DPP10: variants seen among roughly 807,000 people sequenced by gnomAD.
DPP10 encodes inactive dipeptidyl peptidase 10.
Under a neutral mutation model 120.9 loss-of-function variants are expected in DPP10, and 33 were observed. The observed-to-expected ratio is 0.27, with a 90% CI of 0.21 to 0.37. DPP10 has a LOEUF of 0.37. Ranked by LOEUF, DPP10 falls within the 10% of genes least tolerant of loss-of-function variation. DPP10 has a pLI of 1.00. For missense variants in DPP10, 816 were observed against 942.8 expected (o/e 0.87, Z 1.76); for synonymous variants, 337 against 326.1 (o/e 1.03, Z -0.36).
intron 1 of DPP10, among the ~76,000 whole-genome samples, chr2:114,974,417 C>CA (rs764128148): frequency 2.3e-5 from 3 of 131,592 alleles, no homozygotes; most frequent in Non-Finnish European, 4.8e-5. Flanking sequence ...CCTTTTTATC[C>CA]TTTTTTTTTT....
intron 1 of DPP10, among the ~76,000 whole-genome samples, chr2:114,636,373 C>T (rs753132217): frequency 2.6e-5 from 4 of 151,962 alleles, no homozygotes; most frequent in Admixed American, 6.5e-5. Flanking sequence ...CTCCTGCCTG[C>T]AGGCGAGTGG....
chr2:115,590,801 C>G (rs1160078747), intron 5 of DPP10, among the ~76,000 whole-genome samples: 2 of 152,282 alleles, frequency 1.3e-5, no homozygotes, highest in Non-Finnish European at 1.5e-5. Context: ...AAAAGTGTTC[C>G]TATTTCTCCA....
At chr2:114,805,340 A>G (rs1240058421) in intron 1 of DPP10, among the ~76,000 whole-genome samples, 1 of 152,146 alleles carries the variant, frequency 6.6e-6, no homozygotes, top group Non-Finnish European at 1.5e-5. Context: ...GCATTCTACT[A>G]CCTTCTCCTT....
At chr2:114,864,900 G>GA (rs1276518988) in intron 1 of DPP10, among the ~76,000 whole-genome samples, 1 of 152,108 alleles carries the variant, frequency 6.6e-6, no homozygotes, top group Non-Finnish European at 1.5e-5. Flanking sequence ...TTCCTCTTGG[G>GA]AAACAACGGT....
At chr2:115,161,761 C>T (rs1559164237) in intron 1 of DPP10, 4 of 477,354 alleles carry the variant, frequency 8.4e-6, no homozygotes, top group Non-Finnish European at 1.4e-5. Context: ...CTGCGGTGGC[C>T]GAGGGAGGGA....
rs774889979 is a variant in DPP10 at position 115,689,940 on chromosome 2, A to T, written c.576+19A>T. On this transcript the variant is annotated intron_variant, in intron 7 of 25. Transcript: ENST00000410059. ...GCAGCTGGTAAGCGCAGGCATTGGT[A>T]TGCACTGAACACTGCCAATCATGGT... The T allele has an allele frequency of 1.2e-6, 2 of 1,611,730 alleles. No individual in the cohort carries two copies. The highest frequency in any genetic ancestry group is 2.7e-5 in the African/African-American group (2 of 74,860).
At chr2:114,633,455 A>T (rs1159619939) in intron 1 of DPP10, among the ~76,000 whole-genome samples, 11 of 150,978 alleles carry the variant, frequency 7.3e-5, no homozygotes, top group Non-Finnish European at 1.5e-5. Flanking sequence ...GGGTTTCTCC[A>T]TGTTGGCCAG....
At chr2:115,557,944 A>G (rs2149033440) in intron 5 of DPP10, among the ~76,000 whole-genome samples, 1 of 152,336 alleles carries the variant, frequency 6.6e-6, no homozygotes, top group African/African-American at 2.4e-5. Flanking sequence ...ATCTGGTACA[A>G]AACACATGGA....
chr2:115,807,445 T>A (rs1044912899), intron 19 of DPP10, among the ~76,000 whole-genome samples: 2 of 152,196 alleles, frequency 1.3e-5, no homozygotes, highest in Non-Finnish European at 2.9e-5. Flanking sequence ...TGTGTAACAA[T>A]AAGGCTTTCA....
intron 1 of DPP10, among the ~76,000 whole-genome samples, chr2:114,532,651 T>A (rs1185063571): frequency 6.6e-6 from 1 of 152,172 alleles, no homozygotes; most frequent in African/African-American, 2.4e-5. Flanking sequence ...ACAGTGTAAA[T>A]GTTTTCAAAT....
At chr2:114,566,335 A>T (rs987001807) in intron 1 of DPP10, among the ~76,000 whole-genome samples, 3 of 152,220 alleles carry the variant, frequency 2.0e-5, no homozygotes, top group African/African-American at 7.2e-5. Context: ...GCATTATCAC[A>T]GAAAAAGAAA....
chr2:115,730,925 T>C (rs566638545), intron 8 of DPP10, among the ~76,000 whole-genome samples: 24 of 152,180 alleles, frequency 1.6e-4, no homozygotes, highest in Non-Finnish European at 3.4e-4. Flanking sequence ...TCTAATCATT[T>C]ATGAAGAAAC....
rs147760639 is a variant in DPP10, at chr2:115,748,776, T to C, written c.950+2593T>C. ...AGACTGTAAAATACATTTTAATTAATTTATATGATTTAGAAAGAAATTAAA... is the reference window on the plus strand; with the variant it reads ...AGACTGTAAAATACATTTTAATTAACTTATATGATTTAGAAAGAAATTAAA... On this transcript the variant is annotated intron_variant, in intron 10 of 25. Coordinates refer to ENST00000410059, the MANE Select transcript of DPP10 (RefSeq NM_020868.6). Among the ~76,000 whole-genome samples, 199 of 152,276 alleles carry C rather than the reference T, an allele frequency of 1.3e-3. No individual in the cohort carries two copies. In the Middle Eastern group the frequency reaches 0.014, roughly 10 times the overall value.
chr2:114,952,195 A>C (rs1392620943), intron 1 of DPP10, among the ~76,000 whole-genome samples: 1 of 151,918 alleles, frequency 6.6e-6, no homozygotes. Flanking sequence ...GTGTATGATA[A>C]AGTTTCCATG....
rs141857025 is a variant in DPP10 at position 114,902,264 on chromosome 2, G to A, written c.61-406975G>A. On this transcript the variant is annotated intron_variant, in intron 1 of 25. Transcript: ENST00000410059. ...AGTTGTTGATTTATTTAAGTAATGT[G>A]ATCAATATCAAATTTCATTTTTTTC... 2.5e-3 allele frequency among the ~76,000 whole-genome samples: 387 copies of A among 152,214 alleles called. 3 individuals carry two copies. Among genetic ancestry groups the A allele is most frequent in the African/African-American group, 9.0e-3 (372 of 41,522 alleles).
At chr2:115,717,323 TG>T (rs1451451862) in intron 7 of DPP10, among the ~76,000 whole-genome samples, 6 of 152,168 alleles carry the variant, frequency 3.9e-5, no homozygotes, top group African/African-American at 1.4e-4. Flanking sequence ...ACATGGCACA[TG>T]TATACATGTG....
chr2:115,526,997 T>C (rs1021757057), intron 5 of DPP10, among the ~76,000 whole-genome samples: 1 of 152,142 alleles, frequency 6.6e-6, no homozygotes, highest in Non-Finnish European at 1.5e-5. Flanking sequence ...TCATATGTTA[T>C]AGTAAGAAAA....
chr2:114,443,753 A>G (rs2104514548), intron 1 of DPP10, among the ~76,000 whole-genome samples: 1 of 151,268 alleles, frequency 6.6e-6, no homozygotes, highest in Admixed American at 6.6e-5. Context: ...GGGCATCTTT[A>G]GTTACTGCAA....
At chr2:115,043,244 A>G (rs1704801688) in intron 1 of DPP10, among the ~76,000 whole-genome samples, 1 of 152,226 alleles carries the variant, frequency 6.6e-6, no homozygotes, top group African/African-American at 2.4e-5. Flanking sequence ...CATGACTGAT[A>G]TAGCCAATCT....
Sources: gnomAD v4.1 joint callset for allele counts (sites outside exome capture counted in the v4.1 genomes callset) on GRCh38, gnomAD v4.1.1 for gene constraint, MANE v1.5 for transcripts, NCBI Gene and HGNC (gene_info 2026-07-23, HGNC 2026-07-21) for gene names.